ZNF619: variants seen among roughly 807,000 people sequenced by gnomAD.
ZNF619 encodes zinc finger protein 619.
Under a neutral mutation model 14.2 loss-of-function variants are expected in ZNF619, and 9 were observed. The ratio of observed to expected loss-of-function variants is 0.64; its 90% CI spans 0.38 to 1.11. ZNF619 has a LOEUF of 1.11. Among genes scored for constraint, ZNF619 ranks in the 50% least tolerant of loss-of-function variants. The pLI, the probability that ZNF619 is intolerant of heterozygous loss-of-function variation, is 0.01. For synonymous variants in ZNF619, 246 were observed against 252.8 expected, an observed-to-expected ratio of 0.97 and a Z score of 0.26; for missense variants, 659 against 680.1, an observed-to-expected ratio of 0.97 and a Z score of 0.34.
intron 3 of ZNF619, 122 bp from the exon 4 acceptor site, chr3:40,482,466 C>G (rs1445449398): frequency 7.1e-6 from 11 of 1,558,580 alleles, no homozygotes; most frequent in Non-Finnish European, 8.8e-7. Context: ...TTCACTCCTC[C>G]CTGACTTCAC....
Position 40,482,703 on chromosome 3 carries a change from A to G in ZNF619, c.294A>G (p.Thr98=), listed in dbSNP as rs375673031. The G allele has an allele frequency of 6.2e-6, 10 of 1,607,578 alleles. No individual in the cohort carries two copies. Among genetic ancestry groups the G allele is most frequent in the South Asian group, 1.1e-5 (1 of 90,390 alleles). The part of the protein sequence containing the change: ...AGGEALRGMC[T]GGKTKTENEE... ...GAGAGGCCCTGAGAGGCATGTGCAC[A>G]GGTGAGCAGGAGAGCCTACCATCCT... Residue 98 remains threonine (T), a splice_region_variant and synonymous_variant, in exon 4 of 5, where the codon ACA becomes ACG. Coordinates refer to ENST00000432264, the MANE Select transcript of ZNF619 (RefSeq NM_001145093.4).
At position 40,490,299 on chromosome 3, in the gene ZNF619, A is replaced by G. The variant is rs1697768333; in HGVS notation, c.*2058A>G. Reference sequence around the variant, plus strand: ...GTAACAAGACAGAATATTGATAGCCATAAGTAGGTTTGCTGCTCTGACATT... The same window carrying G: ...GTAACAAGACAGAATATTGATAGCCGTAAGTAGGTTTGCTGCTCTGACATT... On this transcript the variant is annotated 3_prime_UTR_variant, in exon 5 of 5. Coordinates refer to ENST00000432264, the MANE Select transcript of ZNF619 (RefSeq NM_001145093.4). 1 of 152,222 alleles carries G rather than the reference A, an allele frequency of 6.6e-6. No individual in the cohort carries two copies. Among genetic ancestry groups the G allele is most frequent in the Non-Finnish European group, 1.5e-5 (1 of 68,050 alleles). 9.4% of individuals were successfully genotyped at this position (152,222 alleles called of 1,614,324 possible).
In ZNF619 at chr3:40,485,172, C is replaced by T. The variant is rs546883799; in HGVS notation, c.296-1634C>T. Among the ~76,000 whole-genome samples, 4 of 152,248 alleles carry T rather than the reference C, an allele frequency of 2.6e-5. No individual in the cohort carries two copies. The South Asian group carries it at 8.3e-4, about 32-fold the overall frequency. On this transcript the variant is annotated intron_variant, in intron 4 of 4. Coordinates refer to ENST00000432264, the MANE Select transcript of ZNF619 (RefSeq NM_001145093.4). ...ATTTGAGACCACTGTTCTTGACAAT[C>T]TAGAACCATATTCTTTAAACTCTGG...
chr3:40,481,251 A>T (rs1273295201), intron 2 of ZNF619, among the ~76,000 whole-genome samples: 2 of 152,200 alleles, frequency 1.3e-5, no homozygotes, highest in Non-Finnish European at 2.9e-5. Context: ...GGCAGGTCAG[A>T]CAGAGCTTAG....
In ZNF619 at chr3:40,488,193, TG is replaced by T. The variant is rs1697700671; in HGVS notation, c.1686del (p.Lys563SerfsTer28). On this transcript the variant is annotated frameshift_variant, in exon 5 of 5. Transcript: ENST00000432264. LOFTEE classifies it low-confidence loss of function (END_TRUNC). ...ATTTTTTTCAGGATCTCGCTTTTCC[TG>T]GGAAGTCATCCCTTCAGAGCCCGAA... ...AHFFQDLAFP[G>X]KSSLQSPNPL... The T allele has an allele frequency of 3.1e-6, 5 of 1,610,682 alleles. No individual in the cohort carries two copies. The highest frequency in any genetic ancestry group is 4.2e-6 in the Non-Finnish European group (5 of 1,177,860).
In ZNF619 at chr3:40,488,287, C is replaced by T. The variant is rs1697707657; in HGVS notation, c.*46C>T. On this transcript the variant is annotated 3_prime_UTR_variant, in exon 5 of 5. Transcript: ENST00000432264. ...TCCTTTGCACCTCAAGTTAGGGATT[C>T]CACTGGTCTCCTGATTGTGTCTATT... 3.4e-6 allele frequency: 3 copies of T among 893,148 alleles called. No individual in the cohort carries two copies. The highest frequency in any genetic ancestry group is 5.4e-6 in the Non-Finnish European group (3 of 557,124). The allele number at this position is 893,148 out of a possible 1,614,324, so 55.3% of individuals were successfully genotyped here.
intron 2 of ZNF619, among the ~76,000 whole-genome samples, chr3:40,478,499 G>A (rs1034301215): frequency 1.7e-4 from 26 of 152,234 alleles, no homozygotes; most frequent in African/African-American, 6.0e-4. Context: ...AGTGAAGCCA[G>A]AACTGGAAAC....
intron 4 of ZNF619, among the ~76,000 whole-genome samples, chr3:40,484,800 ACAG>A (rs1252323468): frequency 6.6e-6 from 1 of 152,196 alleles, no homozygotes; most frequent in East Asian, 1.9e-4. Flanking sequence ...AACAATGAAA[ACAG>A]CAGCCTCAAT....
rs1697655997 is a variant in ZNF619 at position 40,487,673 on chromosome 3, T to G, written c.1163T>G (p.Leu388Arg). The change falls in exon 5 of 5, where the codon CTT (leucine) becomes CGT (arginine). Residue 388 changes from leucine (L) to arginine (R), a missense_variant. Transcript: ENST00000432264. The stretch of plus-strand genomic sequence containing the variant: ...GCCTTCCACCGCAGTTCGGTATTTC[T>G]TCAGCACCAGAGGTTCCACACTGGG... The part of the protein sequence containing the change: ...GKAFHRSSVF[L>R]QHQRFHTGEQ... The G allele has an allele frequency of 3.1e-6, 5 of 1,614,088 alleles. No homozygotes were observed. In the African/African-American group the frequency reaches 6.7e-5, roughly 22 times the overall value.
At chr3:40,484,175 C>T (rs1476426461) in intron 4 of ZNF619, among the ~76,000 whole-genome samples, 1 of 152,244 alleles carries the variant, frequency 6.6e-6, no homozygotes. Flanking sequence ...ATTCTCCTGC[C>T]TCAGCCTCCC....
In ZNF619 at chr3:40,487,257, G is replaced by T; in HGVS notation, c.747G>T (p.Arg249=). Residue 249 remains arginine (R), a synonymous_variant, in exon 5 of 5, where the codon CGG becomes CGT. Coordinates refer to ENST00000432264, the MANE Select transcript of ZNF619 (RefSeq NM_001145093.4). ...TCAGATATAACTCAAAACTGTCACGGCATCAGAAAATCCACACTGGAGAGA... is the reference window on the plus strand; with the variant it reads ...TCAGATATAACTCAAAACTGTCACGTCATCAGAAAATCCACACTGGAGAGA... ...KTFRYNSKLS[R]HQKIHTGEKP... 1 of 1,614,160 alleles carries T rather than the reference G, an allele frequency of 6.2e-7. No individual in the cohort carries two copies. The highest frequency in any genetic ancestry group is 8.5e-7 in the Non-Finnish European group (1 of 1,180,046).
chr3:40,478,042 A>G, intron 2 of ZNF619, 39 bp downstream of exon 2: 1 of 1,543,428 alleles, frequency 6.5e-7, no homozygotes, highest in Non-Finnish European at 8.8e-7. Flanking sequence ...TACTCAGAAC[A>G]GATATGGAAG....
At position 40,490,167 on chromosome 3, in the gene ZNF619, C is replaced by CT. The variant is rs1346015804; in HGVS notation, c.*1927dup. On this transcript the variant is annotated 3_prime_UTR_variant, in exon 5 of 5. Coordinates refer to ENST00000432264, the MANE Select transcript of ZNF619 (RefSeq NM_001145093.4). ...CAGCAAGTAAGCCCTTACCAGATGC[C>CT]TGCACCTTTATATTGGACTTCTTAG... 1.3e-5 allele frequency: 2 copies of CT among 152,206 alleles called. No individual in the cohort carries two copies. Among genetic ancestry groups the CT allele is most frequent in the East Asian group, 3.8e-4 (2 of 5,198 alleles). 9.4% of individuals were successfully genotyped at this position (152,206 alleles called of 1,614,324 possible). A position where few individuals can be genotyped will look rare whatever the true frequency, so the allele number is the denominator to read the frequency against.
chr3:40,484,544 C>A (rs1697516380), intron 4 of ZNF619, among the ~76,000 whole-genome samples: 2 of 152,136 alleles, frequency 1.3e-5, no homozygotes, highest in South Asian at 4.1e-4. Flanking sequence ...TAATCAATAC[C>A]TTAAATTGAT....
At chr3:40,481,749 G>A in intron 2 of ZNF619, 114 bp from the exon 3 acceptor site, 1 of 1,389,058 alleles carries the variant, frequency 7.2e-7, no homozygotes, top group Non-Finnish European at 9.7e-7. Flanking sequence ...CCCCTGCTGG[G>A]GTCCTGTGTG....
chr3:40,478,093 C>A, intron 2 of ZNF619, 90 bp downstream of exon 2: 1 of 1,232,380 alleles, frequency 8.1e-7, no homozygotes, highest in Non-Finnish European at 1.2e-6. Context: ...CAGTCTCATG[C>A]TTAGTTTTAC....
rs1199510240 is a variant in ZNF619 at position 40,486,937 on chromosome 3, T to A, written c.427T>A (p.Leu143Ile). 1.9e-6 allele frequency: 3 copies of A among 1,614,046 alleles called. No homozygotes were observed. The highest frequency in any genetic ancestry group is 2.5e-6 in the Non-Finnish European group (3 of 1,180,008). Residue 143 changes from leucine (L) to isoleucine (I), a missense_variant, in exon 5 of 5, where the codon TTA becomes ATA. Leu to Ile is a conservative substitution (Grantham distance 5, BLOSUM62 2). Coordinates refer to ENST00000432264, the MANE Select transcript of ZNF619 (RefSeq NM_001145093.4). ...CCAGCACCCTGACTTCAAGGACAGG[T>A]TAGAGAAGTCACAGCTACATGATAC... ...VPQHPDFKDR[L>I]EKSQLHDTGN...
rs879692096 is a variant in ZNF619 at position 40,488,651 on chromosome 3, C to CT, written c.*422dup. 2,872 of 144,136 alleles carry CT rather than the reference C, an allele frequency of 0.02. 84 individuals are homozygous for CT. The highest frequency in any genetic ancestry group is 0.063 in the African/African-American group (2,433 of 38,634). The allele number at this position is 144,136 out of a possible 1,614,324, so 8.9% of individuals were successfully genotyped here. On this transcript the variant is annotated 3_prime_UTR_variant, in exon 5 of 5. Transcript: ENST00000432264. ...AGTGTCCAATGATTGCTTTCAAGAG[C>CT]TTTTTTTTTTTTAGGGGGTGGGGGG...
chr3:40,482,391 T>G, intron 3 of ZNF619, 197 bp from the exon 4 acceptor site: 4 of 1,558,692 alleles, frequency 2.6e-6, no homozygotes, highest in Non-Finnish European at 3.5e-6. Flanking sequence ...CCCCAGTGAC[T>G]CTGGGAGCAT....
Sources: allele counts gnomAD v4.1 joint callset (sites outside exome capture counted in the v4.1 genomes callset), GRCh38; gene constraint gnomAD v4.1.1; transcripts MANE v1.5; gene names NCBI Gene and HGNC (gene_info 2026-07-23, HGNC 2026-07-21).